Variants in COMMD10 observed in about 807,000 individuals in gnomAD.
COMMD10 encodes the protein COMM domain containing 10.
COMMD10 carries 33 observed loss-of-function variants against 28.9 expected under a neutral mutation model. The ratio of observed to expected loss-of-function variants is 1.14; its 90% confidence interval spans 0.87 to 1.53. The LOEUF is 1.53. Among genes scored for constraint, COMMD10 ranks in the 40% most tolerant of loss-of-function variants. COMMD10 has a pLI of 0.00. For synonymous variants in COMMD10, 110 were observed against 81.7 expected, an observed-to-expected ratio of 1.35 and a Z score of -1.87; for missense variants, 310 against 233.4, an observed-to-expected ratio of 1.33 and a Z score of -2.14.
chr5:116,151,201 G>A (rs924651205), intron 5 of COMMD10, among the ~76,000 whole-genome samples: 19 of 151,574 alleles, frequency 1.3e-4, no homozygotes, highest in African/African-American at 4.4e-4. Context: ...GCATCCCAGG[G>A]ATGAAGCCCA....
intron 5 of COMMD10, among the ~76,000 whole-genome samples, chr5:116,156,131 T>C (rs1752699378): frequency 6.6e-6 from 1 of 152,090 alleles, no homozygotes. Flanking sequence ...ATGTACAAAA[T>C]AAAGGGTTAA....
chr5:116,209,995 T>A (rs1308713721), intron 5 of COMMD10, among the ~76,000 whole-genome samples: 1 of 152,132 alleles, frequency 6.6e-6, no homozygotes, highest in Non-Finnish European at 1.5e-5. Flanking sequence ...TGGCATCTGG[T>A]AAGGGCCTTC....
At chr5:116,274,858 T>TA (rs1334633217) in intron 5 of COMMD10, among the ~76,000 whole-genome samples, 1 of 151,834 alleles carries the variant, frequency 6.6e-6, no homozygotes. Flanking sequence ...TTTGTGTTAC[T>TA]ATAGCTCTAA....
intron 5 of COMMD10, among the ~76,000 whole-genome samples, chr5:116,283,503 C>T (rs554782942): frequency 4.6e-5 from 7 of 151,684 alleles, no homozygotes; most frequent in Non-Finnish European, 8.8e-5. Flanking sequence ...CCCACCACCA[C>T]GCCCAGCTAA....
intron 5 of COMMD10, among the ~76,000 whole-genome samples, chr5:116,240,924 G>A (rs1749792017): frequency 6.6e-6 from 1 of 152,112 alleles, no homozygotes; most frequent in Admixed American, 6.5e-5. Flanking sequence ...CAGGCTACAA[G>A]ATTAATTTTC....
chr5:116,208,716 C>A (rs1327959144), intron 5 of COMMD10, among the ~76,000 whole-genome samples: 1 of 151,876 alleles, frequency 6.6e-6, no homozygotes, highest in African/African-American at 2.4e-5. Flanking sequence ...TCTTGTCTTG[C>A]TTTTTCACTA....
chr5:116,222,960 G>A (rs756049325), intron 5 of COMMD10, among the ~76,000 whole-genome samples: 2 of 152,118 alleles, frequency 1.3e-5, no homozygotes, highest in East Asian at 1.9e-4. Context: ...AAAGTGCTGG[G>A]ATTACAAGTG....
intron 5 of COMMD10, among the ~76,000 whole-genome samples, chr5:116,229,744 G>T (rs1180046909): frequency 3.3e-5 from 5 of 151,938 alleles, no homozygotes; most frequent in African/African-American, 9.7e-5. Flanking sequence ...TATTTGTCCA[G>T]CAAGTGAAAA....
chr5:116,166,799 A>G (rs1753113589), intron 5 of COMMD10, among the ~76,000 whole-genome samples: 1 of 152,152 alleles, frequency 6.6e-6, no homozygotes, highest in Non-Finnish European at 1.5e-5. Context: ...GAATAGAATC[A>G]ACATCAACAA....
intron 5 of COMMD10, among the ~76,000 whole-genome samples, chr5:116,209,076 C>T (rs1748892948): frequency 6.6e-6 from 1 of 151,926 alleles, no homozygotes; most frequent in African/African-American, 2.4e-5. Context: ...CCACTTTTTC[C>T]AAGTCTTACC....
At position 116,258,493 on chromosome 5, in the gene COMMD10, A is replaced by T. The variant is rs543194954; in HGVS notation, c.511-33024A>T. 2.6e-5 allele frequency among the ~76,000 whole-genome samples: 4 copies of T among 151,318 alleles called. 1 individual carries two copies. Among genetic ancestry groups the T allele is most frequent in the African/African-American group, 9.8e-5 (4 of 41,018 alleles). ...GAGTTGATCATTTAATAATTCTTAG[A>T]TTGTATCTGAAGGTATTAAACTAGC... On this transcript the variant is annotated intron_variant, in intron 5 of 6. Transcript: ENST00000274458.
intron 5 of COMMD10, among the ~76,000 whole-genome samples, chr5:116,227,989 C>T (rs1389704674): frequency 2.0e-5 from 3 of 151,936 alleles, no homozygotes; most frequent in Admixed American, 1.3e-4. Context: ...AAAATGTCAT[C>T]AGAATAATGC....
chr5:116,204,449 A>G (rs1341703368), intron 5 of COMMD10, among the ~76,000 whole-genome samples: 1 of 150,344 alleles, frequency 6.7e-6, no homozygotes, highest in African/African-American at 2.4e-5. Context: ...TTCTTTTTTT[A>G]CCTTCTTTAT....
intron 5 of COMMD10, among the ~76,000 whole-genome samples, chr5:116,274,049 G>A (rs1405545441): frequency 6.6e-6 from 1 of 151,660 alleles, no homozygotes; most frequent in Non-Finnish European, 1.5e-5. Flanking sequence ...TGATCTAACA[G>A]CCTCTGCAAC....
chr5:116,218,104 C>G lies in COMMD10; in HGVS notation c.511-73413C>G, dbSNP rs189525989. The G allele has an allele frequency of 7.4e-4, 974 of 1,314,026 alleles. 2 individuals are homozygous for G. The highest frequency in any genetic ancestry group is 8.2e-4 in the Non-Finnish European group (752 of 914,644). The allele number at this position is 1,314,026 out of a possible 1,614,324, so 81.4% of individuals were successfully genotyped here. On this transcript the variant is annotated intron_variant, in intron 5 of 6. Coordinates refer to ENST00000274458, the MANE Select transcript of COMMD10 (RefSeq NM_016144.4). ...CATTTTCTGCAGGGTTATTCCCCTCCTTGCCAGCATCAGCTTTTCCCTTTC... is the reference window on the plus strand; with the variant it reads ...CATTTTCTGCAGGGTTATTCCCCTCGTTGCCAGCATCAGCTTTTCCCTTTC...
chr5:116,212,603 T>C (rs1748996322), intron 5 of COMMD10, among the ~76,000 whole-genome samples: 1 of 151,168 alleles, frequency 6.6e-6, no homozygotes, highest in South Asian at 2.1e-4. Context: ...ATAGAACTTC[T>C]GATTTTAAAA....
intron 4 of COMMD10, among the ~76,000 whole-genome samples, chr5:116,096,630 G>A (rs1040635008): frequency 4.0e-5 from 6 of 151,560 alleles, no homozygotes; most frequent in Admixed American, 6.6e-5. Flanking sequence ...TGCTGAATAG[G>A]AGTGGTAAGT....
At chr5:116,280,140 G>T (rs1751034191) in intron 5 of COMMD10, among the ~76,000 whole-genome samples, 1 of 151,858 alleles carries the variant, frequency 6.6e-6, no homozygotes, top group Non-Finnish European at 1.5e-5. Context: ...ATTGGGCAAG[G>T]ATACTGCTGA....
intron 5 of COMMD10, among the ~76,000 whole-genome samples, chr5:116,151,674 C>G (rs6878596): frequency 0.5 from 75,243 of 151,994 alleles, 21,595 homozygotes; most frequent in Non-Finnish European, 0.65. Flanking sequence ...TCTGATGGTA[C>G]TTTGTATTTC....
Sources: gnomAD v4.1 joint callset for allele counts (sites outside exome capture counted in the v4.1 genomes callset) on GRCh38, gnomAD v4.1.1 for gene constraint, MANE v1.5 for transcripts, NCBI Gene and HGNC (gene_info 2026-07-23, HGNC 2026-07-21) for gene names.